SUB1: variants seen among roughly 807,000 people sequenced by gnomAD.
The protein encoded by SUB1 is activated RNA polymerase II transcriptional coactivator p15.
In SUB1, 1 loss-of-function variant was observed where a neutral mutation model predicts 16.9. The ratio of observed to expected loss-of-function variants is 0.06; its 90% CI spans 0.02 to 0.28. SUB1 has a LOEUF of 0.28. Ranked by LOEUF, SUB1 falls within the 10% of genes least tolerant of loss-of-function variation. The probability of loss-of-function intolerance (pLI) is 1.00; values close to 1 mark genes in which losing one functional copy is unlikely to be tolerated. For synonymous variants in SUB1, 51 were observed against 46.9 expected (o/e 1.09, Z -0.36); for missense variants, 84 against 145.2 (o/e 0.58, Z 2.16).
chr5:32,599,176 T>A, intron 4 of SUB1, 107 bp downstream of exon 4: 1 of 740,084 alleles, frequency 1.4e-6, no homozygotes, highest in Non-Finnish European at 2.3e-6. Flanking sequence ...AGGAAGAGTC[T>A]TACTCAATTG....
At chr5:32,587,936 T>G (rs1027617578) in intron 1 of SUB1, among the ~76,000 whole-genome samples, 2 of 152,150 alleles carry the variant, frequency 1.3e-5, no homozygotes, top group African/African-American at 2.4e-5. Context: ...TGTGTACTCT[T>G]GAATTAGTAC....
chr5:32,591,428 CT>C, intron 2 of SUB1, 134 bp from the exon 3 acceptor site: 1 of 1,221,344 alleles, frequency 8.2e-7, no homozygotes, highest in Non-Finnish European at 1.1e-6. Flanking sequence ...TTGAGTGAAA[CT>C]TGCTTATGTA....
chr5:32,598,714 A>C (rs1415694385), intron 3 of SUB1: 1 of 334,126 alleles, frequency 3.0e-6, no homozygotes, highest in Non-Finnish European at 5.4e-6. Context: ...TTTCTAGGCT[A>C]TGCAGTTGTT....
In SUB1 at chr5:32,599,002, C is replaced by CAA; in HGVS notation, c.239_240dup (p.Val81LysfsTer3). ...ACGTTAGTGTTCGCGATTTTAAAGG[C>CAA]AAAGTGCTAATTGATATTAGAGAAT... On this transcript the variant is annotated frameshift_variant, in exon 4 of 5. Transcript: ENST00000265073. LOFTEE classifies it high-confidence loss of function. The CAA allele has an allele frequency of 6.2e-7, 1 of 1,613,378 alleles. No homozygotes were observed. The highest frequency in any genetic ancestry group is 8.5e-7 in the Non-Finnish European group (1 of 1,179,756).
intron 2 of SUB1, among the ~76,000 whole-genome samples, chr5:32,590,328 G>A (rs1335835731): frequency 6.6e-6 from 1 of 151,838 alleles, no homozygotes; most frequent in Non-Finnish European, 1.5e-5. Flanking sequence ...ATTCCATCAA[G>A]AAGGAACATG....
chr5:32,590,266 C>T (rs1738785517), intron 2 of SUB1, among the ~76,000 whole-genome samples: 1 of 152,054 alleles, frequency 6.6e-6, no homozygotes, highest in African/African-American at 2.4e-5. Context: ...TTCCTAGCTT[C>T]ATCTAATTTG....
At chr5:32,587,567 A>G (rs1738704469) in intron 1 of SUB1, among the ~76,000 whole-genome samples, 2 of 152,178 alleles carry the variant, frequency 1.3e-5, no homozygotes, top group African/African-American at 2.4e-5. Flanking sequence ...GTTCCAGAGT[A>G]GAAAAATCTG....
In SUB1 at chr5:32,601,096, T is replaced by C; in HGVS notation, c.*12T>C. 5 of 1,606,972 alleles carry C rather than the reference T, an allele frequency of 3.1e-6. No individual in the cohort carries two copies. The highest frequency in any genetic ancestry group is 4.3e-6 in the Non-Finnish European group (5 of 1,175,440). Reference sequence around the variant, plus strand: ...TAAGAAAACTGTAAAATTCGAGCCATATAAATAAAACCTGTACTGTTCTAG... The same window carrying C: ...TAAGAAAACTGTAAAATTCGAGCCACATAAATAAAACCTGTACTGTTCTAG... On this transcript the variant is annotated 3_prime_UTR_variant, in exon 5 of 5. Coordinates refer to ENST00000265073, the MANE Select transcript of SUB1 (RefSeq NM_006713.4).
chr5:32,599,160 G>T, intron 4 of SUB1, 91 bp downstream of exon 4: 2 of 870,752 alleles, frequency 2.3e-6, no homozygotes, highest in East Asian at 2.6e-5. Context: ...CAGGACACAC[G>T]GGGCAAGGAA....
At position 32,603,483 on chromosome 5, in the gene SUB1, ATG is replaced by A. The variant is rs1327941916; in HGVS notation, c.*2402_*2403del. On this transcript the variant is annotated 3_prime_UTR_variant, in exon 5 of 5. Coordinates refer to ENST00000265073, the MANE Select transcript of SUB1 (RefSeq NM_006713.4). ...TGGGTTTTTCCTCTTCGTTTTTAAA[ATG>A]TGAGTAGCATTTGACCAATTTCCAG... 7.2e-5 allele frequency: 11 copies of A among 152,284 alleles called. 1 individual carries two copies. The South Asian group carries it at 2.1e-3, about 29-fold the overall frequency. 9.4% of individuals were successfully genotyped at this position (152,284 alleles called of 1,614,324 possible).
At chr5:32,587,596 G>T (rs1264566540) in intron 1 of SUB1, among the ~76,000 whole-genome samples, 2 of 151,878 alleles carry the variant, frequency 1.3e-5, no homozygotes, top group African/African-American at 4.8e-5. Flanking sequence ...GTAATGAATT[G>T]CTGTGAATTG....
chr5:32,600,568 T>TTAC (rs1561038163), intron 4 of SUB1, among the ~76,000 whole-genome samples: 1 of 152,012 alleles, frequency 6.6e-6, no homozygotes, highest in East Asian at 1.9e-4. Context: ...ATGTAAGAGA[T>TTAC]ATGATTTTCA....
chr5:32,603,326 A>G lies in SUB1; in HGVS notation c.*2242A>G, dbSNP rs1739162075. 1 of 151,676 alleles carries G rather than the reference A, an allele frequency of 6.6e-6. No homozygotes were observed. Among genetic ancestry groups the G allele is most frequent in the Admixed American group, 6.6e-5 (1 of 15,210 alleles). 9.4% of individuals were successfully genotyped at this position (151,676 alleles called of 1,614,324 possible). On this transcript the variant is annotated 3_prime_UTR_variant, in exon 5 of 5. Coordinates refer to ENST00000265073, the MANE Select transcript of SUB1 (RefSeq NM_006713.4). The stretch of plus-strand genomic sequence containing the variant: ...TTTAAATTTTATCTCCTTGGTAAAG[A>G]TTTTTTTTTCCTGGGCAGAAAACTT...
intron 4 of SUB1, 147 bp from the exon 5 acceptor site, chr5:32,600,858 G>T (rs1487126698): frequency 1.3e-5 from 8 of 619,108 alleles, no homozygotes; most frequent in Non-Finnish European, 2.3e-5. Context: ...ACCCGCCTTG[G>T]CCTCCCAAAG....
rs1354314552 is a variant in SUB1, at chr5:32,602,857, C to G, written c.*1773C>G. ...ACACATCATGCTTGATTGGTAACTT[C>G]CCTCCTTTTTTGGGGAACATGTTTG... On this transcript the variant is annotated 3_prime_UTR_variant, in exon 5 of 5. Transcript: ENST00000265073. The G allele has an allele frequency of 6.6e-6, 1 of 152,048 alleles. No homozygotes were observed. The highest frequency in any genetic ancestry group is 6.6e-5 in the Admixed American group (1 of 15,264). The allele number at this position is 152,048 out of a possible 1,614,324, so 9.4% of individuals were successfully genotyped here.
chr5:32,588,464 G>A, intron 1 of SUB1, 48 bp from the exon 2 acceptor site: 1 of 1,528,466 alleles, frequency 6.5e-7, no homozygotes, highest in Non-Finnish European at 9.0e-7. Context: ...TAAGTTGAAA[G>A]TAGTAGAGTA....
At chr5:32,599,576 A>G (rs1739066247) in intron 4 of SUB1, among the ~76,000 whole-genome samples, 1 of 152,202 alleles carries the variant, frequency 6.6e-6, no homozygotes, top group African/African-American at 2.4e-5. Flanking sequence ...AGGTGAGCCA[A>G]CCTAAATTTG....
In SUB1 at chr5:32,603,841, A is replaced by AT. The variant is rs1487618488; in HGVS notation, c.*2759dup. ...CTTAAATTTAGGTATCTCTCCTGAA[A>AT]TTCTTTGCAGTTCATTTTTTATGGC... On this transcript the variant is annotated 3_prime_UTR_variant, in exon 5 of 5. Coordinates refer to ENST00000265073, the MANE Select transcript of SUB1 (RefSeq NM_006713.4). 6.6e-5 allele frequency: 10 copies of AT among 152,164 alleles called. No homozygotes were observed. The highest frequency in any genetic ancestry group is 2.4e-4 in the African/African-American group (10 of 41,448). 9.4% of individuals were successfully genotyped at this position (152,164 alleles called of 1,614,324 possible).
intron 2 of SUB1, 94 bp downstream of exon 2, chr5:32,588,678 A>T: frequency 7.7e-7 from 1 of 1,293,334 alleles, no homozygotes; most frequent in South Asian, 1.6e-5. Flanking sequence ...TAACATCTTA[A>T]AATGAGGATC....
Sources: allele counts gnomAD v4.1 joint callset (sites outside exome capture counted in the v4.1 genomes callset), GRCh38; gene constraint gnomAD v4.1.1; transcripts MANE v1.5; gene names NCBI Gene and HGNC (gene_info 2026-07-23, HGNC 2026-07-21).